Variants in KCNK13 observed in about 807,000 individuals in gnomAD.
KCNK13 encodes the protein potassium channel subfamily K member 13.
In KCNK13, 12 loss-of-function variants were observed where a neutral mutation model predicts 23.4. The observed-to-expected ratio is 0.51, with a 90% CI of 0.33 to 0.83. The LOEUF (loss-of-function observed/expected upper bound fraction) is 0.83. Among genes scored for constraint, KCNK13 ranks in the 40% least tolerant of loss-of-function variants. KCNK13 has a pLI of 0.02. For synonymous variants in KCNK13, 231 were observed against 229.5 expected, an observed-to-expected ratio of 1.01 and a Z score of -0.06; for missense variants, 463 against 556.3, an observed-to-expected ratio of 0.83 and a Z score of 1.69.
At chr14:90,171,780 A>T (rs1890367511) in intron 1 of KCNK13, among the ~76,000 whole-genome samples, 1 of 152,178 alleles carries the variant, frequency 6.6e-6, no homozygotes, top group Non-Finnish European at 1.5e-5. Context: ...TATCTCAGTG[A>T]GCAGAGGGGT....
At chr14:90,093,232 C>T (rs1889370256) in intron 1 of KCNK13, among the ~76,000 whole-genome samples, 1 of 152,154 alleles carries the variant, frequency 6.6e-6, no homozygotes, top group South Asian at 2.1e-4. Flanking sequence ...CTCCAGGGAC[C>T]ACGCTTCTTC....
At chr14:90,144,228 C>G (rs73332321) in intron 1 of KCNK13, among the ~76,000 whole-genome samples, 1 of 152,252 alleles carries the variant, frequency 6.6e-6, no homozygotes, top group East Asian at 1.9e-4. Flanking sequence ...AAGTTTCTCT[C>G]AGTAATGTTT....
intron 1 of KCNK13, among the ~76,000 whole-genome samples, chr14:90,064,215 T>C (rs957127425): frequency 2.0e-5 from 3 of 152,154 alleles, no homozygotes; most frequent in Non-Finnish European, 2.9e-5. Context: ...TGACCTTGAC[T>C]CTACTGTGTT....
At chr14:90,162,714 G>A (rs1383572142) in intron 1 of KCNK13, among the ~76,000 whole-genome samples, 1 of 152,156 alleles carries the variant, frequency 6.6e-6, no homozygotes, top group East Asian at 1.9e-4. Flanking sequence ...CCTAGGGTAA[G>A]GAAGGAAAGA....
chr14:90,170,686 A>G (rs1032417931), intron 1 of KCNK13, among the ~76,000 whole-genome samples: 7 of 152,178 alleles, frequency 4.6e-5, no homozygotes, highest in East Asian at 1.9e-4. Flanking sequence ...ATAGACATTC[A>G]TGCCTTTGTC....
chr14:90,131,481 C>T (rs1345409413), intron 1 of KCNK13, among the ~76,000 whole-genome samples: 2 of 152,170 alleles, frequency 1.3e-5, no homozygotes, highest in Admixed American at 6.5e-5. Context: ...CTGCCTGCCT[C>T]AGCCTCCCAA....
At chr14:90,168,453 G>A (rs1473737951) in intron 1 of KCNK13, among the ~76,000 whole-genome samples, 2 of 152,024 alleles carry the variant, frequency 1.3e-5, no homozygotes, top group East Asian at 3.8e-4. Flanking sequence ...GGGGAATAGG[G>A]ACACCATTCT....
intron 1 of KCNK13, among the ~76,000 whole-genome samples, chr14:90,133,161 A>G (rs1249862600): frequency 6.6e-6 from 1 of 152,218 alleles, no homozygotes; most frequent in Non-Finnish European, 1.5e-5. Context: ...GCTTGATCTC[A>G]TTTAAACTTC....
intron 1 of KCNK13, among the ~76,000 whole-genome samples, chr14:90,167,395 T>G (rs1163641653): frequency 6.6e-6 from 1 of 152,196 alleles, no homozygotes; most frequent in African/African-American, 2.4e-5. Context: ...ATTTATTGAG[T>G]TACTTAATTG....
intron 1 of KCNK13, among the ~76,000 whole-genome samples, chr14:90,092,345 C>T (rs1283159019): frequency 6.6e-6 from 1 of 152,190 alleles, no homozygotes; most frequent in African/African-American, 2.4e-5. Flanking sequence ...TAAACTACAT[C>T]CATCTGTGCA....
chr14:90,092,979 C>G (rs535610687), intron 1 of KCNK13, among the ~76,000 whole-genome samples: 1 of 150,232 alleles, frequency 6.7e-6, no homozygotes, highest in African/African-American at 2.5e-5. Context: ...AAACACCCAC[C>G]ATTTCTTAGA....
chr14:90,167,414 C>T (rs1890315908), intron 1 of KCNK13, among the ~76,000 whole-genome samples: 1 of 152,180 alleles, frequency 6.6e-6, no homozygotes, highest in Non-Finnish European at 1.5e-5. Context: ...TGCCAGTCCT[C>T]CTTTGGTCTA....
intron 1 of KCNK13, among the ~76,000 whole-genome samples, chr14:90,147,396 T>G (rs1452982435): frequency 6.7e-6 from 1 of 150,184 alleles, no homozygotes; most frequent in African/African-American, 2.5e-5. Context: ...ACTACAGACA[T>G]GCTACCACAC....
chr14:90,130,891 A>G (rs1889861726), intron 1 of KCNK13, among the ~76,000 whole-genome samples: 1 of 152,226 alleles, frequency 6.6e-6, no homozygotes, highest in Non-Finnish European at 1.5e-5. Flanking sequence ...ATGAGGTAGC[A>G]AAGTCGAGTA....
intron 1 of KCNK13, chr14:90,107,560 G>A (rs1889561242): frequency 4.5e-6 from 2 of 446,314 alleles, no homozygotes; most frequent in South Asian, 2.6e-5. Context: ...TAAACATTAC[G>A]ATTGTGCAAA....
At chr14:90,094,645 CTTTTTTTT>C (rs778654067) in intron 1 of KCNK13, among the ~76,000 whole-genome samples, 1 of 111,650 alleles carries the variant, frequency 9.0e-6, no homozygotes, top group African/African-American at 3.6e-5. Flanking sequence ...TCTTTTTTTT[CTTTTTTTT>C]TTTTTTTTTT....
At chr14:90,131,549 A>C (rs1889871940) in intron 1 of KCNK13, among the ~76,000 whole-genome samples, 1 of 152,012 alleles carries the variant, frequency 6.6e-6, no homozygotes, top group African/African-American at 2.4e-5. Context: ...ATTTTTTCAG[A>C]AAGAGTGTCA....
intron 1 of KCNK13, among the ~76,000 whole-genome samples, chr14:90,101,966 C>T (rs1038736753): frequency 6.6e-6 from 1 of 151,650 alleles, no homozygotes; most frequent in African/African-American, 2.4e-5. Context: ...TCACTGCAAC[C>T]TCTGCCTCCC....
intron 1 of KCNK13, among the ~76,000 whole-genome samples, chr14:90,153,490 C>T (rs544058673): frequency 1.3e-5 from 2 of 152,346 alleles, no homozygotes; most frequent in Admixed American, 1.3e-4. Context: ...TAAATACTAA[C>T]TGTTGCTGTT....
Sources: gnomAD v4.1 joint callset for allele counts (sites outside exome capture counted in the v4.1 genomes callset) on GRCh38, gnomAD v4.1.1 for gene constraint, MANE v1.5 for transcripts, NCBI Gene and HGNC (gene_info 2026-07-23, HGNC 2026-07-21) for gene names.